Variants in UMAD1 observed in about 807,000 individuals in gnomAD.
The protein encoded by UMAD1 is UBAP1-MVB12-associated (UMA)-domain containing protein 1.
UMAD1 carries 8 observed loss-of-function variants against 6.1 expected under a neutral mutation model. The ratio of observed to expected loss-of-function variants is 1.30; its 90% CI spans 0.76 to 2.35. The LOEUF is 2.35. Among genes scored for constraint, UMAD1 ranks in the 30% most tolerant of loss-of-function variants. The pLI is 0.00. For synonymous variants in UMAD1, 56 were observed against 31.4 expected (o/e 1.78, Z -2.61); for missense variants, 130 against 78.4 (o/e 1.66, Z -2.49).
At chr7:7,763,299 T>C (rs764008186) in intron 2 of UMAD1, among the ~76,000 whole-genome samples, 15 of 152,206 alleles carry the variant, frequency 9.9e-5, no homozygotes, top group Non-Finnish European at 1.9e-4. Flanking sequence ...AAGGGGTGCA[T>C]GCGCAAGTTT....
chr7:7,708,085 TCTC>T (rs1395204173), intron 2 of UMAD1, among the ~76,000 whole-genome samples: 8 of 152,188 alleles, frequency 5.3e-5, no homozygotes, highest in African/African-American at 1.9e-4. Flanking sequence ...TCGTCATTCT[TCTC>T]TTAGCCTCCT....
At chr7:7,817,733 TCATCCGTTTTTG>T (rs1289630056) in intron 3 of UMAD1, among the ~76,000 whole-genome samples, 3 of 152,250 alleles carry the variant, frequency 2.0e-5, no homozygotes, top group African/African-American at 7.2e-5. Flanking sequence ...TTTCTGTATC[TCATCCGTTTTTG>T]CATCCGTTCC....
intron 2 of UMAD1, among the ~76,000 whole-genome samples, chr7:7,753,156 AG>A (rs751136927): frequency 1.3e-5 from 2 of 152,152 alleles, no homozygotes; most frequent in African/African-American, 2.4e-5. Flanking sequence ...GTGGTTACAT[AG>A]TAGGTGTATA....
intron 2 of UMAD1, among the ~76,000 whole-genome samples, chr7:7,772,895 CTTT>C (rs1308962143): frequency 1.3e-5 from 2 of 151,730 alleles, no homozygotes; most frequent in African/African-American, 4.8e-5. Flanking sequence ...CACAAGAAGC[CTTT>C]TTTATTTTTT....
rs189973800 is a variant in UMAD1 at position 7,816,337 on chromosome 7, G to A, written c.156+14594G>A. Among the ~76,000 whole-genome samples, 255 of 152,262 alleles carry A rather than the reference G, an allele frequency of 1.7e-3. 3 individuals carry two copies. The highest frequency in any genetic ancestry group is 0.015 in the Admixed American group (228 of 15,304). Reference sequence around the variant, plus strand: ...CTGTTTCACTTTGCTTCTCTTTTCCGTAGTGCCTTCTCCTGTGAGGTCCAC... The same window carrying A: ...CTGTTTCACTTTGCTTCTCTTTTCCATAGTGCCTTCTCCTGTGAGGTCCAC... On this transcript the variant is annotated intron_variant, in intron 3 of 3. Transcript: ENST00000682710.
intron 3 of UMAD1, among the ~76,000 whole-genome samples, chr7:7,802,087 A>G (rs1331345749): frequency 6.6e-6 from 1 of 152,296 alleles, no homozygotes; most frequent in Non-Finnish European, 1.5e-5. Context: ...AGGCTTAAAA[A>G]TAATCCATTC....
intron 3 of UMAD1, among the ~76,000 whole-genome samples, chr7:7,849,513 G>A (rs759573526): frequency 9.9e-5 from 15 of 152,058 alleles, no homozygotes; most frequent in Non-Finnish European, 1.8e-4. Context: ...GTGAATTCTG[G>A]GAGGTCTTCT....
chr7:7,863,658 G>A (rs1227338246), intron 3 of UMAD1, among the ~76,000 whole-genome samples: 3 of 152,074 alleles, frequency 2.0e-5, no homozygotes, highest in African/African-American at 7.2e-5. Context: ...CTAATAAAGG[G>A]CACTCTTTTT....
intron 2 of UMAD1, among the ~76,000 whole-genome samples, chr7:7,797,876 A>T (rs1008695862): frequency 6.6e-6 from 1 of 151,996 alleles, no homozygotes; most frequent in East Asian, 1.9e-4. Context: ...TTTGTTAGAG[A>T]TGGTTTCACC....
intron 2 of UMAD1, among the ~76,000 whole-genome samples, chr7:7,686,452 TA>T (rs2115130424): frequency 6.6e-6 from 1 of 152,340 alleles, no homozygotes; most frequent in Non-Finnish European, 1.5e-5. Context: ...GACAATTTTT[TA>T]AAAATGTAGA....
intron 2 of UMAD1, among the ~76,000 whole-genome samples, chr7:7,779,918 A>G (rs193130718): frequency 6.6e-6 from 1 of 152,354 alleles, no homozygotes; most frequent in East Asian, 1.9e-4. Flanking sequence ...TGTCAGGATA[A>G]CAGACATAAG....
chr7:7,678,540 TATAG>T (rs1174182066), intron 2 of UMAD1, among the ~76,000 whole-genome samples: 2 of 139,336 alleles, frequency 1.4e-5, no homozygotes, highest in African/African-American at 2.6e-5. Context: ...ATACTTAATT[TATAG>T]ATAAATATAT....
chr7:7,797,719 C>T (rs1047506952), intron 2 of UMAD1, among the ~76,000 whole-genome samples: 1 of 149,528 alleles, frequency 6.7e-6, no homozygotes, highest in African/African-American at 2.5e-5. Context: ...GACGAGGTCT[C>T]ACTCTGTTGC....
At chr7:7,667,301 A>C (rs1246329923) in intron 1 of UMAD1, among the ~76,000 whole-genome samples, 1 of 152,212 alleles carries the variant, frequency 6.6e-6, no homozygotes, top group Non-Finnish European at 1.5e-5. Context: ...AATTGAAAAA[A>C]ATACTGAAAA....
intron 1 of UMAD1, among the ~76,000 whole-genome samples, chr7:7,649,519 A>G (rs1380972639): frequency 2.0e-5 from 3 of 152,190 alleles, no homozygotes; most frequent in African/African-American, 4.8e-5. Context: ...TATTCAAACC[A>G]CAGCAGGATT....
intron 1 of UMAD1, among the ~76,000 whole-genome samples, chr7:7,644,873 C>G (rs1785060381): frequency 6.6e-6 from 1 of 152,140 alleles, no homozygotes; most frequent in African/African-American, 2.4e-5. Context: ...GAATTTTGAT[C>G]AAAATTGCAC....
At position 7,664,693 on chromosome 7, in the gene UMAD1, C is replaced by T. The variant is rs188722943; in HGVS notation, c.-63-8616C>T. Among the ~76,000 whole-genome samples the T allele has an allele frequency of 2.1e-3, 318 of 152,304 alleles. 1 individual carries two copies. Among genetic ancestry groups the T allele is most frequent in the African/African-American group, 7.3e-3 (303 of 41,554 alleles). ...ACTCAAGGCTACCTAGTCTGCGCAGCCTACCAGAGTTCTAATTCACATTGA... is the reference window on the plus strand; with the variant it reads ...ACTCAAGGCTACCTAGTCTGCGCAGTCTACCAGAGTTCTAATTCACATTGA... On this transcript the variant is annotated intron_variant, in intron 1 of 3. Transcript: ENST00000682710.
At chr7:7,740,690 T>TA (rs1781446168) in intron 2 of UMAD1, 1 of 152,264 alleles carries the variant, frequency 6.6e-6, no homozygotes, top group South Asian at 2.1e-4. Context: ...ATTTACCTCA[T>TA]ACAGCAATCA....
At chr7:7,802,156 G>T (rs1358513893) in intron 3 of UMAD1, among the ~76,000 whole-genome samples, 2 of 152,246 alleles carry the variant, frequency 1.3e-5, no homozygotes, top group Non-Finnish European at 2.9e-5. Context: ...TAGGCGGGTA[G>T]ATCACGAGGT....
Sources: allele counts gnomAD v4.1 joint callset (sites outside exome capture counted in the v4.1 genomes callset), GRCh38; gene constraint gnomAD v4.1.1; transcripts MANE v1.5; gene names NCBI Gene and HGNC (gene_info 2026-07-23, HGNC 2026-07-21).